SIGLEC1: variants seen among roughly 807,000 people sequenced by gnomAD.
SIGLEC1 encodes the protein sialic acid binding Ig like lectin 1, also known as sialoadhesin.
In SIGLEC1, 132 loss-of-function variants were observed where a neutral mutation model predicts 148.0. The ratio of observed to expected loss-of-function variants is 0.89; its 90% CI spans 0.77 to 1.03. SIGLEC1 has a LOEUF of 1.03. Among genes scored for constraint, SIGLEC1 ranks in the 50% least tolerant of loss-of-function variants. The pLI, the probability that SIGLEC1 is intolerant of heterozygous loss-of-function variation, is 0.00. For missense variants in SIGLEC1, 2,253 were observed against 2,271.4 expected (o/e 0.99, Z 0.16); for synonymous variants, 945 against 969.0 (o/e 0.98, Z 0.46).
rs1393103819 is a variant in SIGLEC1 at position 3,688,465 on chromosome 20, G to C, written c.*95C>G. On this transcript the variant is annotated 3_prime_UTR_variant, in exon 22 of 22. Transcript: ENST00000344754. ...GTCACAGAGCTGTTTTCGTAGAGGC[G>C]GGCAGGACTCAACACTGCCTCATTC... 3 of 1,048,430 alleles carry C rather than the reference G, an allele frequency of 2.9e-6. No homozygotes were observed. In the South Asian group the frequency reaches 4.1e-5, roughly 14 times the overall value. The allele number at this position is 1,048,430 out of a possible 1,614,324, so 64.9% of individuals were successfully genotyped here.
intron 14 of SIGLEC1, 127 bp downstream of exon 14, chr20:3,693,320 C>A (rs999839297): frequency 1.5e-5 from 18 of 1,227,518 alleles, no homozygotes; most frequent in Non-Finnish European, 1.9e-5. Flanking sequence ...ATGCTCCTTG[C>A]CCAGTGCTCC....
In SIGLEC1 at chr20:3,689,668, G is replaced by A; in HGVS notation, c.4929C>T (p.Leu1643=). The A allele has an allele frequency of 6.3e-7, 1 of 1,589,022 alleles. No individual in the cohort carries two copies. Among genetic ancestry groups the A allele is most frequent in the South Asian group, 1.1e-5 (1 of 87,134 alleles). Residue 1643 remains leucine (L), a synonymous_variant, in exon 20 of 22, where the codon CTC becomes CTT. Transcript: ENST00000344754. ...GGCCCACCAGCAGTCCCAGGACCCA[G>A]AGCAGCTGCTGGAACTGATGCAGGC... is the stretch of plus-strand genomic sequence containing the variant. The part of the protein sequence containing the change: ...LHRLHQFQQL[L]WVLGLLVGLL...
At chr20:3,709,399 C>CACAA (rs1022364545) in intron 1 of SIGLEC1, among the ~76,000 whole-genome samples, 1 of 152,202 alleles carries the variant, frequency 6.6e-6, no homozygotes, top group African/African-American at 2.4e-5. Context: ...AATGGCTATT[C>CACAA]ACAAACAAAC....
At chr20:3,698,518 G>A (rs2087823937) in intron 8 of SIGLEC1, among the ~76,000 whole-genome samples, 1 of 152,236 alleles carries the variant, frequency 6.6e-6, no homozygotes, top group Non-Finnish European at 1.5e-5. Flanking sequence ...TTACCACGGA[G>A]CCTCCCCTCA....
At chr20:3,695,751 C>G (rs1344703781) in intron 11 of SIGLEC1, among the ~76,000 whole-genome samples, 2 of 152,164 alleles carry the variant, frequency 1.3e-5, no homozygotes, top group African/African-American at 4.8e-5. Context: ...AAGAAACACT[C>G]ATGTTCCTTT....
At chr20:3,697,772 G>A in intron 9 of SIGLEC1, 26 bp downstream of exon 9, 1 of 1,604,750 alleles carries the variant, frequency 6.2e-7, no homozygotes, top group Non-Finnish European at 8.5e-7. Context: ...CCTGCCCCCA[G>A]GCCACCCATT....
intron 6 of SIGLEC1, among the ~76,000 whole-genome samples, chr20:3,702,179 G>A (rs772803560): frequency 2.6e-5 from 4 of 152,112 alleles, no homozygotes; most frequent in Admixed American, 6.6e-5. Flanking sequence ...GAGACGCAAC[G>A]ACCCAATGCA....
At chr20:3,693,838 A>C in intron 13 of SIGLEC1, 140 bp from the exon 14 acceptor site, 1 of 865,574 alleles carries the variant, frequency 1.2e-6, no homozygotes, top group Non-Finnish European at 1.7e-6. Flanking sequence ...CCACCTATAA[A>C]TGTGGCTTAG....
intron 21 of SIGLEC1, chr20:3,688,919 G>A (rs916873381): frequency 1.0e-5 from 6 of 602,140 alleles, no homozygotes; most frequent in Non-Finnish European, 1.8e-5. Flanking sequence ...ATGCTGCCAA[G>A]TCCAGAAAGT....
At chr20:3,690,296 G>C (rs1007602114) in intron 18 of SIGLEC1, 32 bp from the exon 19 acceptor site, 17 of 1,499,674 alleles carry the variant, frequency 1.1e-5, no homozygotes, top group Non-Finnish European at 1.4e-5. Flanking sequence ...GGTGATTGCA[G>C]ACAATGACCA....
intron 20 of SIGLEC1, 74 bp downstream of exon 20, chr20:3,689,525 TG>T: frequency 2.9e-6 from 3 of 1,032,428 alleles, no homozygotes; most frequent in African/African-American, 1.6e-5. Flanking sequence ...CTAAAGGACC[TG>T]GGGGAATTTG....
Position 3,687,941 on chromosome 20 carries a change from AC to A in SIGLEC1, c.*618del, listed in dbSNP as rs2088715499. On this transcript the variant is annotated 3_prime_UTR_variant, in exon 22 of 22. Coordinates refer to ENST00000344754, the MANE Select transcript of SIGLEC1 (RefSeq NM_023068.4). The stretch of plus-strand genomic sequence containing the variant: ...TGGGCATGGGTGTGCTTCTACCTCC[AC>A]TCTTCCTTCTTCTGGCTGGAGGGCA... 1 of 156,956 alleles carries A rather than the reference AC, an allele frequency of 6.4e-6. No individual in the cohort carries two copies. Among genetic ancestry groups the A allele is most frequent in the Admixed American group, 6.0e-5 (1 of 16,680 alleles). 9.7% of individuals were successfully genotyped at this position (156,956 alleles called of 1,614,324 possible).
chr20:3,691,350 G>A lies in SIGLEC1; in HGVS notation c.4581C>T (p.Leu1527=), dbSNP rs867983012. ...TGAAASAPVM[L]RVLYPPKTPT... Reference sequence around the variant, plus strand: ...GGGGTTCACACTCACAGAGCACACGGAGCATGACTGGAGCAGAGGCAGCAG... The same window carrying A: ...GGGGTTCACACTCACAGAGCACACGAAGCATGACTGGAGCAGAGGCAGCAG... Residue 1527 remains leucine (L), a synonymous_variant, in exon 18 of 22, where the codon CTC becomes CTT. Transcript: ENST00000344754. 1 of 1,613,512 alleles carries A rather than the reference G, an allele frequency of 6.2e-7. No homozygotes were observed. The highest frequency in any genetic ancestry group is 2.2e-5 in the East Asian group (1 of 44,884).
At chr20:3,697,775 C>T (rs765531622) in intron 9 of SIGLEC1, 23 bp downstream of exon 9, 3 of 1,607,162 alleles carry the variant, frequency 1.9e-6, no homozygotes, top group African/African-American at 1.3e-5. Context: ...GCCCCCAGGC[C>T]ACCCATTCCC....
Position 3,698,030 on chromosome 20 carries a change from G to A in SIGLEC1, c.1890C>T (p.Pro630=), listed in dbSNP as rs568699998. 20 of 1,609,192 alleles carry A rather than the reference G, an allele frequency of 1.2e-5. No individual in the cohort carries two copies. The South Asian group carries it at 2.2e-4, about 18-fold the overall frequency. ...TGTGGAGCAGCTGCAGCCTGGCGGG[G>A]GGGTCGCTGTCCACACGGCACAAAA... ...GLLLCRVDSD[P]PARLQLLHKD... The change falls in exon 9 of 22, where the codon CCC becomes CCT. Residue 630 remains proline, a synonymous_variant. Coordinates refer to ENST00000344754, the MANE Select transcript of SIGLEC1 (RefSeq NM_023068.4).
At position 3,703,466 on chromosome 20, in the gene SIGLEC1, T is replaced by C; in HGVS notation, c.974-15A>G. On this transcript the variant is annotated splice_polypyrimidine_tract_variant and intron_variant, in intron 5 of 21. Transcript: ENST00000344754. ...GACCTCAGCCACTGCAAGGGCAGCA[T>C]AGGGAGTGCTGGGGGGTCCCAGCCA... is the stretch of plus-strand genomic sequence containing the variant. 1.9e-6 allele frequency: 3 copies of C among 1,557,538 alleles called. No homozygotes were observed. In the East Asian group the frequency reaches 6.8e-5, roughly 35 times the overall value.
chr20:3,711,415 G>C (rs2087928069), intron 1 of SIGLEC1, among the ~76,000 whole-genome samples: 1 of 152,156 alleles, frequency 6.6e-6, no homozygotes, highest in Admixed American at 6.5e-5. Flanking sequence ...CCTGACCTCT[G>C]ATTCCAGAGG....
Position 3,705,957 on chromosome 20 carries a change from C to T in SIGLEC1, c.493G>A (p.Val165Ile), listed in dbSNP as rs143055667. 2.7e-5 allele frequency: 43 copies of T among 1,614,118 alleles called. No homozygotes were observed. The highest frequency in any genetic ancestry group is 1.2e-4 in the Admixed American group (7 of 60,030). ...AGTCTGACCTGCTCCTGCAGGCATA[C>T]GTAGGGAGTGGAGCAGTTGAAGTCC... ...EVDFNCSTPY[V>I]CLQEQVRLQW... Residue 165 changes from valine (V) to isoleucine (I), a missense_variant, in exon 4 of 22, where the codon GTA (valine) becomes ATA (isoleucine). Val to Ile is a conservative substitution (Grantham distance 29). Coordinates refer to ENST00000344754, the MANE Select transcript of SIGLEC1 (RefSeq NM_023068.4).
chr20:3,693,521 G>T lies in SIGLEC1; in HGVS notation c.3434C>A (p.Thr1145Asn), dbSNP rs1375910425. Residue 1145 changes from threonine to asparagine, a missense_variant, in exon 14 of 22, where the codon ACC becomes AAC. Physicochemically the swap from Thr to Asn is moderately conservative, Grantham distance 65. Coordinates refer to ENST00000344754, the MANE Select transcript of SIGLEC1 (RefSeq NM_023068.4). The part of the protein sequence containing the change: ...PLPNVTVRDA[T>N]SYRCGVGPPG... ...GGGGCCCACACCGCAGCGGTAGGAG[G>T]TGGCATCCCTGACTGTGACGTTGGG... The T allele has an allele frequency of 1.2e-6, 2 of 1,611,690 alleles. No individual in the cohort carries two copies. Among genetic ancestry groups the T allele is most frequent in the South Asian group, 1.1e-5 (1 of 90,760 alleles).
Sources: allele counts gnomAD v4.1 joint callset (sites outside exome capture counted in the v4.1 genomes callset), GRCh38; gene constraint gnomAD v4.1.1; transcripts MANE v1.5; gene names NCBI Gene and HGNC (gene_info 2026-07-23, HGNC 2026-07-21).